Variants in PTPRD observed in about 807,000 individuals in gnomAD.
PTPRD encodes receptor-type tyrosine-protein phosphatase delta.
PTPRD carries 34 observed loss-of-function variants against 214.5 expected under a neutral mutation model. The ratio of observed to expected loss-of-function variants is 0.16; its 90% confidence interval spans 0.12 to 0.21. PTPRD has a LOEUF of 0.21. Ranked by LOEUF, PTPRD falls within the 10% of genes least tolerant of loss-of-function variation. The probability of loss-of-function intolerance (pLI) is 1.00; values close to 1 mark genes in which losing one functional copy is unlikely to be tolerated. For missense variants in PTPRD, 2,545 were observed against 2,398.7 expected, an observed-to-expected ratio of 1.06 and a Z score of -1.27; for synonymous variants, 1,128 against 845.7, an observed-to-expected ratio of 1.33 and a Z score of -5.79.
chr9:8,528,477 G>T, intron 15 of PTPRD, 114 bp downstream of exon 15: 1 of 929,920 alleles, frequency 1.1e-6, no homozygotes, highest in Non-Finnish European at 1.7e-6. Context: ...AAGAGAAGAG[G>T]GAGAAAAATC....
At chr9:9,807,836 C>A (rs1379980091) in intron 5 of PTPRD, among the ~76,000 whole-genome samples, 1 of 152,084 alleles carries the variant, frequency 6.6e-6, no homozygotes, top group Non-Finnish European at 1.5e-5. Context: ...TTGGAAGAAT[C>A]CGATTTTTCC....
chr9:10,254,113 A>C (rs1268980511), intron 3 of PTPRD, among the ~76,000 whole-genome samples: 1 of 152,222 alleles, frequency 6.6e-6, no homozygotes, highest in African/African-American at 2.4e-5. Context: ...TCCGCAGAGA[A>C]CAAGTCAACT....
chr9:8,762,265 C>T (rs906384067), intron 11 of PTPRD, among the ~76,000 whole-genome samples: 4 of 152,064 alleles, frequency 2.6e-5, no homozygotes, highest in Admixed American at 6.6e-5. Context: ...AACATCAAAA[C>T]GAGATTGACT....
chr9:10,005,800 T>C (rs1482154636), intron 4 of PTPRD, among the ~76,000 whole-genome samples: 1 of 152,062 alleles, frequency 6.6e-6, no homozygotes, highest in African/African-American at 2.4e-5. Context: ...CATTTAACAA[T>C]CTGAAATGCA....
At chr9:10,511,989 C>CGT (rs778099702) in intron 2 of PTPRD, among the ~76,000 whole-genome samples, 5 of 100,288 alleles carry the variant, frequency 5.0e-5, no homozygotes, top group African/African-American at 9.2e-5. Flanking sequence ...TATATATATA[C>CGT]GTGTGTGTAT....
intron 14 of PTPRD, among the ~76,000 whole-genome samples, chr9:8,625,167 A>C (rs563143915): frequency 1.8e-3 from 274 of 152,004 alleles, no homozygotes; most frequent in Middle Eastern, 0.014. Context: ...AGTGCTATGA[A>C]GCAAATTAAA....
intron 2 of PTPRD, among the ~76,000 whole-genome samples, chr9:10,397,020 G>A (rs1004792286): frequency 2.0e-5 from 3 of 151,940 alleles, no homozygotes; most frequent in African/African-American, 7.2e-5. Flanking sequence ...CAGGTGTGGG[G>A]CTCTTACAAA....
chr9:8,751,816 A>C (rs1565791583), intron 11 of PTPRD, among the ~76,000 whole-genome samples: 1 of 152,212 alleles, frequency 6.6e-6, no homozygotes. Flanking sequence ...CCTCTGTCTT[A>C]AAAATGCATT....
chr9:10,111,442 T>G (rs1193359970), intron 3 of PTPRD, among the ~76,000 whole-genome samples: 7 of 151,158 alleles, frequency 4.6e-5, no homozygotes, highest in Non-Finnish European at 1.0e-4. Context: ...GTTTCACCGT[T>G]TTAGCCGGGA....
chr9:10,421,595 G>A (rs1275045095), intron 2 of PTPRD, among the ~76,000 whole-genome samples: 1 of 151,726 alleles, frequency 6.6e-6, no homozygotes, highest in Non-Finnish European at 1.5e-5. Flanking sequence ...GTCCAGTTTA[G>A]GTTTTATATA....
chr9:8,366,759 T>G (rs1174771048), intron 39 of PTPRD, among the ~76,000 whole-genome samples: 4 of 152,208 alleles, frequency 2.6e-5, no homozygotes, highest in African/African-American at 9.6e-5. Context: ...GGGCTTATTG[T>G]TTGGAACTGC....
chr9:10,394,064 A>G (rs987202224), intron 2 of PTPRD, among the ~76,000 whole-genome samples: 1 of 145,156 alleles, frequency 6.9e-6, no homozygotes, highest in African/African-American at 2.5e-5. Context: ...TATTATATAT[A>G]TATATATATA....
At chr9:9,789,313 G>A (rs1343712513) in intron 5 of PTPRD, among the ~76,000 whole-genome samples, 1 of 152,188 alleles carries the variant, frequency 6.6e-6, no homozygotes. Flanking sequence ...TAGCGTATGA[G>A]ATTTTCAGTG....
intron 14 of PTPRD, among the ~76,000 whole-genome samples, chr9:8,627,099 C>T (rs1460964591): frequency 1.3e-5 from 2 of 151,796 alleles, no homozygotes; most frequent in Non-Finnish European, 2.9e-5. Flanking sequence ...CAGCAGTCTC[C>T]TCACTCTCAC....
chr9:8,374,841 T>G (rs1282525884), intron 39 of PTPRD, among the ~76,000 whole-genome samples: 1 of 151,998 alleles, frequency 6.6e-6, no homozygotes, highest in African/African-American at 2.4e-5. Flanking sequence ...ATGAGCATTG[T>G]AGCATGGTTT....
chr9:8,551,202 C>T (rs7855892), intron 14 of PTPRD, among the ~76,000 whole-genome samples: 23,627 of 152,106 alleles, frequency 0.16, 1,912 homozygotes, highest in Non-Finnish European at 0.17. Context: ...CTTTAACCTC[C>T]GTAGGCATTG....
chr9:9,927,087 C>A (rs141658297), intron 5 of PTPRD, among the ~76,000 whole-genome samples: 1 of 151,906 alleles, frequency 6.6e-6, no homozygotes, highest in African/African-American at 2.4e-5. Flanking sequence ...ATTTAAGCAC[C>A]GCTATAAACA....
chr9:9,772,917 A>G (rs1293914418), intron 5 of PTPRD, among the ~76,000 whole-genome samples: 1 of 152,220 alleles, frequency 6.6e-6, no homozygotes, highest in East Asian at 1.9e-4. Flanking sequence ...ACATTGATGT[A>G]TTCTGATCAT....
intron 10 of PTPRD, among the ~76,000 whole-genome samples, chr9:9,131,813 T>C (rs981159862): frequency 6.6e-6 from 1 of 152,234 alleles, no homozygotes; most frequent in Admixed American, 6.5e-5. Context: ...TGAATGTACG[T>C]AGTGGTTCAT....
Sources: allele counts gnomAD v4.1 joint callset (sites outside exome capture counted in the v4.1 genomes callset), GRCh38; gene constraint gnomAD v4.1.1; transcripts MANE v1.5; gene names NCBI Gene and HGNC (gene_info 2026-07-23, HGNC 2026-07-21).